NKAIN2: variants seen among roughly 807,000 people sequenced by gnomAD.
NKAIN2 encodes sodium/potassium-transporting ATPase subunit beta-1-interacting protein 2.
In NKAIN2, 14 loss-of-function variants were observed where a neutral mutation model predicts 32.6. The observed-to-expected ratio is 0.43, with a 90% CI of 0.28 to 0.67. The LOEUF is 0.67. Among genes scored for constraint, NKAIN2 ranks in the 30% least tolerant of loss-of-function variants. The pLI is 0.17. For synonymous variants in NKAIN2, 80 were observed against 87.2 expected (o/e 0.92, Z 0.46); for missense variants, 198 against 258.3 (o/e 0.77, Z 1.60).
chr6:124,764,824 G>T (rs991617461), intron 4 of NKAIN2, among the ~76,000 whole-genome samples: 4 of 152,016 alleles, frequency 2.6e-5, no homozygotes, highest in Non-Finnish European at 4.4e-5. Flanking sequence ...AGGTTGAGAG[G>T]AGTAAAGCAT....
intron 3 of NKAIN2, among the ~76,000 whole-genome samples, chr6:124,531,373 C>T (rs1458253614): frequency 2.6e-5 from 4 of 152,180 alleles, no homozygotes; most frequent in Non-Finnish European, 5.9e-5. Context: ...ACCCTCTTTG[C>T]ATCCATGGGG....
intron 1 of NKAIN2, among the ~76,000 whole-genome samples, chr6:124,126,627 C>G (rs569106882): frequency 2.4e-4 from 37 of 152,244 alleles, no homozygotes; most frequent in African/African-American, 8.7e-4. Flanking sequence ...TCCTTCATTA[C>G]AGAGAGACAA....
At chr6:124,182,058 C>A (rs1218315499) in intron 1 of NKAIN2, among the ~76,000 whole-genome samples, 1 of 152,138 alleles carries the variant, frequency 6.6e-6, no homozygotes, top group East Asian at 1.9e-4. Flanking sequence ...GTCTCACAGG[C>A]TAGGGAGACC....
intron 4 of NKAIN2, among the ~76,000 whole-genome samples, chr6:124,721,398 C>G (rs895261598): frequency 8.0e-6 from 1 of 124,984 alleles, no homozygotes; most frequent in African/African-American, 3.2e-5. Flanking sequence ...AACGAGACTC[C>G]GTCTCAAAAA....
chr6:124,746,301 G>A (rs1482886439), intron 4 of NKAIN2, among the ~76,000 whole-genome samples: 4 of 151,798 alleles, frequency 2.6e-5, no homozygotes, highest in Non-Finnish European at 5.9e-5. Context: ...CTTTTAATAA[G>A]TAAGGAACAT....
chr6:124,651,674 A>G (rs796345344), intron 3 of NKAIN2, among the ~76,000 whole-genome samples: 2 of 152,250 alleles, frequency 1.3e-5, no homozygotes, highest in African/African-American at 2.4e-5. Flanking sequence ...AGAGTTATAA[A>G]CACAGGGAAC....
At chr6:124,415,404 C>T (rs1046561947) in intron 3 of NKAIN2, among the ~76,000 whole-genome samples, 9 of 152,184 alleles carry the variant, frequency 5.9e-5, no homozygotes, top group African/African-American at 1.2e-4. Flanking sequence ...ATGGATAAGG[C>T]GAGGCATGGG....
intron 1 of NKAIN2, among the ~76,000 whole-genome samples, chr6:124,214,389 A>G (rs1791355493): frequency 1.3e-5 from 2 of 152,194 alleles, no homozygotes; most frequent in South Asian, 4.1e-4. Context: ...GGAATTATGT[A>G]TACTTTGATT....
Position 123,902,696 on chromosome 6 carries a change from G to A in NKAIN2, c.54+98442G>A, listed in dbSNP as rs1359998144. Among the ~76,000 whole-genome samples the A allele has an allele frequency of 2.6e-5, 4 of 152,086 alleles. No homozygotes were observed. In the East Asian group the frequency reaches 7.7e-4, roughly 29 times the overall value. ...ACATTCCAAAAAAATATTTAAAGAAGCATCGATTTATTCAGAAGGTTTATA... is the reference window on the plus strand; with the variant it reads ...ACATTCCAAAAAAATATTTAAAGAAACATCGATTTATTCAGAAGGTTTATA... On this transcript the variant is annotated intron_variant, in intron 1 of 6. Transcript: ENST00000368417.
At chr6:124,630,074 G>T (rs542758478) in intron 3 of NKAIN2, among the ~76,000 whole-genome samples, 46 of 152,244 alleles carry the variant, frequency 3.0e-4, no homozygotes, top group African/African-American at 9.1e-4. Flanking sequence ...AATTGCATGG[G>T]AAGTGTCTGG....
intron 3 of NKAIN2, among the ~76,000 whole-genome samples, chr6:124,637,784 A>C (rs1783829183): frequency 6.6e-6 from 1 of 152,176 alleles, no homozygotes; most frequent in Non-Finnish European, 1.5e-5. Flanking sequence ...ATAAAAAGAC[A>C]TTCCATACTC....
intron 1 of NKAIN2, among the ~76,000 whole-genome samples, chr6:123,841,106 C>T (rs1252368951): frequency 6.6e-6 from 1 of 152,122 alleles, no homozygotes; most frequent in Non-Finnish European, 1.5e-5. Flanking sequence ...TCTATACCTG[C>T]ACTAAGCAAA....
At chr6:123,924,281 C>G (rs77291854) in intron 1 of NKAIN2, among the ~76,000 whole-genome samples, 3,246 of 152,270 alleles carry the variant, frequency 0.021, 103 homozygotes, top group African/African-American at 0.073. Flanking sequence ...GGTCTCTGCC[C>G]TGATTTCAGT....
At chr6:124,780,691 A>G (rs951852394) in intron 4 of NKAIN2, among the ~76,000 whole-genome samples, 2 of 152,178 alleles carry the variant, frequency 1.3e-5, no homozygotes, top group African/African-American at 2.4e-5. Flanking sequence ...TAGATTTTCA[A>G]GCTCTTAGAA....
intron 1 of NKAIN2, among the ~76,000 whole-genome samples, chr6:124,206,352 C>T (rs1004168440): frequency 1.3e-5 from 2 of 151,786 alleles, no homozygotes; most frequent in African/African-American, 4.8e-5. Context: ...ATAAAACAAG[C>T]CTGAGAGTGA....
chr6:124,141,667 G>T (rs1022497391), intron 1 of NKAIN2, among the ~76,000 whole-genome samples: 1 of 151,892 alleles, frequency 6.6e-6, no homozygotes, highest in Non-Finnish European at 1.5e-5. Flanking sequence ...AACTGGATTT[G>T]CAATTGATTC....
intron 3 of NKAIN2, among the ~76,000 whole-genome samples, chr6:124,486,668 T>G (rs587706): frequency 0.38 from 57,204 of 152,004 alleles, 11,102 homozygotes; most frequent in East Asian, 0.61. Flanking sequence ...TTGAAAGGAT[T>G]TGGGAAGCTC....
At chr6:124,041,669 T>C (rs1485552050) in intron 1 of NKAIN2, among the ~76,000 whole-genome samples, 3 of 152,060 alleles carry the variant, frequency 2.0e-5, no homozygotes, top group Non-Finnish European at 4.4e-5. Context: ...TTTTTGTTGC[T>C]ATTAATAAAG....
rs557572249 is a variant in NKAIN2, at chr6:124,497,744, G to C, written c.273+142397G>C. Among the ~76,000 whole-genome samples, 27 of 147,860 alleles carry C rather than the reference G, an allele frequency of 1.8e-4. No homozygotes were observed. In the East Asian group the frequency reaches 3.6e-3, roughly 20 times the overall value. On this transcript the variant is annotated intron_variant, in intron 3 of 6. Coordinates refer to ENST00000368417, the MANE Select transcript of NKAIN2 (RefSeq NM_001040214.3). ...CAAAGCTTACATAAAAAAAAACTAG[G>C]AGTTGTCAGGCAGATTTTAATTAAT...
Sources: gnomAD v4.1 joint callset for allele counts (sites outside exome capture counted in the v4.1 genomes callset) on GRCh38, gnomAD v4.1.1 for gene constraint, MANE v1.5 for transcripts, NCBI Gene and HGNC (gene_info 2026-07-23, HGNC 2026-07-21) for gene names.